SLC14A1: variants seen among roughly 807,000 people sequenced by gnomAD.
SLC14A1 encodes urea transporter 1.
In SLC14A1, 36 loss-of-function variants were observed where a neutral mutation model predicts 39.6. The observed-to-expected ratio is 0.91, with a 90% CI of 0.70 to 1.20. SLC14A1 has a LOEUF of 1.20. Ranked by LOEUF, SLC14A1 falls within the 50% of genes most tolerant of loss-of-function variation. The pLI is 0.00. For missense variants in SLC14A1, 469 were observed against 478.7 expected, an observed-to-expected ratio of 0.98 and a Z score of 0.19; for synonymous variants, 164 against 173.6, an observed-to-expected ratio of 0.94 and a Z score of 0.43.
At chr18:45,742,104 C>T (rs1026101795) in intron 8 of SLC14A1, among the ~76,000 whole-genome samples, 5 of 152,062 alleles carry the variant, frequency 3.3e-5, no homozygotes, top group Admixed American at 3.3e-4. Context: ...AGAAGAAGTC[C>T]ATAGTACAGG....
intron 4 of SLC14A1, among the ~76,000 whole-genome samples, chr18:45,733,637 G>A (rs555290633): frequency 6.6e-6 from 1 of 152,318 alleles, no homozygotes; most frequent in African/African-American, 2.4e-5. Context: ...AGAAAACAGA[G>A]CAGATTGCCT....
chr18:45,734,407 G>A lies in SLC14A1; in HGVS notation c.470+5G>A, dbSNP rs1375162890. ...ATGTGCTATGTCCATGACTTGGTAA[G>A]TTACAATTGGTTTTCAAAATGCCTT... is the stretch of plus-strand genomic sequence containing the variant. On this transcript the variant is annotated splice_donor_5th_base_variant and intron_variant, in intron 5 of 9. Transcript: ENST00000321925. 6.2e-7 allele frequency: 1 copy of A among 1,606,814 alleles called. No homozygotes were observed. Among genetic ancestry groups the A allele is most frequent in the Non-Finnish European group, 8.5e-7 (1 of 1,177,508 alleles).
chr18:45,727,458 G>A, intron 2 of SLC14A1: 1 of 1,520,316 alleles, frequency 6.6e-7, no homozygotes, highest in Middle Eastern at 1.9e-4. Flanking sequence ...GGGGAACCTG[G>A]GAGCCTGCTC....
chr18:45,746,677 C>T (rs949782716), intron 8 of SLC14A1, among the ~76,000 whole-genome samples: 1 of 152,156 alleles, frequency 6.6e-6, no homozygotes, highest in Non-Finnish European at 1.5e-5. Context: ...ATTGGTGTAA[C>T]CAAGGAGAGA....
intron 1 of SLC14A1, among the ~76,000 whole-genome samples, chr18:45,724,561 A>G (rs2046812390): frequency 1.3e-5 from 2 of 152,170 alleles, no homozygotes; most frequent in Admixed American, 1.3e-4. Flanking sequence ...TGTCCACCCA[A>G]TGTGCTCAAT....
chr18:45,735,422 C>T (rs1875514692), intron 5 of SLC14A1, among the ~76,000 whole-genome samples: 2 of 152,140 alleles, frequency 1.3e-5, no homozygotes, highest in Admixed American at 1.3e-4. Flanking sequence ...CCACCTGCCC[C>T]CCAGGTCTCC....
At chr18:45,730,909 A>G in intron 3 of SLC14A1, 106 bp from the exon 4 acceptor site, 1 of 947,740 alleles carries the variant, frequency 1.1e-6, no homozygotes, top group East Asian at 2.4e-5. Context: ...AATATCAAAA[A>G]TGTTTCACTT....
rs1427721105 is a variant in SLC14A1 at position 45,748,364 on chromosome 18, T to C, written c.947-12T>C. ...CGAAGCATTGTTCTTTCCCTCCTTT[T>C]TTTTTCTGTAGCCCTGTTCACGGCC... On this transcript the variant is annotated splice_polypyrimidine_tract_variant and intron_variant, in intron 8 of 9. Transcript: ENST00000321925. 6.2e-7 allele frequency: 1 copy of C among 1,614,054 alleles called. No homozygotes were observed. The highest frequency in any genetic ancestry group is 1.3e-5 in the African/African-American group (1 of 74,942).
At chr18:45,735,340 A>G (rs2047160184) in intron 5 of SLC14A1, among the ~76,000 whole-genome samples, 1 of 152,198 alleles carries the variant, frequency 6.6e-6, no homozygotes, top group South Asian at 2.1e-4. Flanking sequence ...GTGGGGCCCG[A>G]GAATTTGCGT....
chr18:45,730,214 G>A, intron 2 of SLC14A1, 86 bp from the exon 3 acceptor site: 2 of 1,395,762 alleles, frequency 1.4e-6, no homozygotes, highest in Non-Finnish European at 1.9e-6. Flanking sequence ...TAGTGGTCCA[G>A]ATCTTCTACT....
At chr18:45,727,094 A>C in intron 2 of SLC14A1, 1 of 603,834 alleles carries the variant, frequency 1.7e-6, no homozygotes, top group Non-Finnish European at 2.9e-6. Context: ...GGTGAAGGCA[A>C]AGTCCTCCTT....
intron 4 of SLC14A1, 145 bp from the exon 5 acceptor site, chr18:45,734,129 T>A: frequency 9.8e-7 from 1 of 1,016,782 alleles, no homozygotes; most frequent in South Asian, 1.3e-5. Flanking sequence ...TTTTGTACGA[T>A]GCTTACGTAG....
intron 1 of SLC14A1, among the ~76,000 whole-genome samples, chr18:45,724,476 A>G (rs770466972): frequency 6.6e-6 from 1 of 152,240 alleles, no homozygotes; most frequent in Non-Finnish European, 1.5e-5. Flanking sequence ...GCTCAAAGGC[A>G]TGCCTTTATT....
At position 45,751,465 on chromosome 18, in the gene SLC14A1, A is replaced by G. The variant is rs1170283680; in HGVS notation, c.*1514A>G. ...TTATCAGTTCCGTAAAGTCTCTGTA[A>G]CCAAACATACTGAAGACAGCAACAG... is the stretch of plus-strand genomic sequence containing the variant. On this transcript the variant is annotated 3_prime_UTR_variant, in exon 10 of 10. Coordinates refer to ENST00000321925, the MANE Select transcript of SLC14A1 (RefSeq NM_015865.7). The G allele has an allele frequency of 1.0e-6, 1 of 985,092 alleles. No individual in the cohort carries two copies. Among genetic ancestry groups the G allele is most frequent in the Non-Finnish European group, 1.2e-6 (1 of 829,900 alleles). 61.0% of individuals were successfully genotyped at this position (985,092 alleles called of 1,614,324 possible).
intron 8 of SLC14A1, among the ~76,000 whole-genome samples, chr18:45,746,386 A>G (rs2047546034): frequency 6.6e-6 from 1 of 152,240 alleles, no homozygotes; most frequent in Admixed American, 6.5e-5. Flanking sequence ...CATACCTACC[A>G]TTAAATAATC....
At chr18:45,735,661 G>C (rs548217843) in intron 5 of SLC14A1, among the ~76,000 whole-genome samples, 1 of 152,310 alleles carries the variant, frequency 6.6e-6, no homozygotes, top group Non-Finnish European at 1.5e-5. Flanking sequence ...GTGTGTGGAC[G>C]AGGACCTACC....
intron 6 of SLC14A1, among the ~76,000 whole-genome samples, chr18:45,738,816 G>A (rs1271377898): frequency 6.6e-6 from 1 of 152,078 alleles, no homozygotes; most frequent in Non-Finnish European, 1.5e-5. Context: ...TCCCCAGTAG[G>A]AGGCAAGGCA....
In SLC14A1 at chr18:45,750,239, G is replaced by T. The variant is rs2047671581; in HGVS notation, c.*288G>T. The T allele has an allele frequency of 7.5e-7, 1 of 1,339,336 alleles. No individual in the cohort carries two copies. The highest frequency in any genetic ancestry group is 1.5e-5 in the African/African-American group (1 of 67,936). 83.0% of individuals were successfully genotyped at this position (1,339,336 alleles called of 1,614,324 possible). Reference sequence around the variant, plus strand: ...ATAAAGTCAAAGTGCTCCAACAGAAGGAGGAAGTGAAAACAAACTATTAGT... The same window carrying T: ...ATAAAGTCAAAGTGCTCCAACAGAATGAGGAAGTGAAAACAAACTATTAGT... On this transcript the variant is annotated 3_prime_UTR_variant, in exon 10 of 10. Coordinates refer to ENST00000321925, the MANE Select transcript of SLC14A1 (RefSeq NM_015865.7).
In SLC14A1 at chr18:45,752,383, A is replaced by G. The variant is rs1185866545; in HGVS notation, c.*2432A>G. On this transcript the variant is annotated 3_prime_UTR_variant, in exon 10 of 10. Coordinates refer to ENST00000321925, the MANE Select transcript of SLC14A1 (RefSeq NM_015865.7). ...GAACATTGTACATTGTCGAATTTAA[A>G]TGATATTAATTTTCTCAAGCTATTT... 3.7e-6 allele frequency: 1 copy of G among 272,560 alleles called. No individual in the cohort carries two copies. The highest frequency in any genetic ancestry group is 2.3e-5 in the African/African-American group (1 of 43,618). 16.9% of individuals were successfully genotyped at this position (272,560 alleles called of 1,614,324 possible).
Sources: gnomAD v4.1 joint callset for allele counts (sites outside exome capture counted in the v4.1 genomes callset) on GRCh38, gnomAD v4.1.1 for gene constraint, MANE v1.5 for transcripts, NCBI Gene and HGNC (gene_info 2026-07-23, HGNC 2026-07-21) for gene names.